ANO7: variants seen among roughly 807,000 people sequenced by gnomAD.
ANO7 encodes anoctamin 7, also known as anoctamin-7.
ANO7 carries 114 observed loss-of-function variants against 115.8 expected under a neutral mutation model. The observed-to-expected ratio is 0.98, with a 90% CI of 0.85 to 1.15. The LOEUF (loss-of-function observed/expected upper bound fraction) is 1.15, where lower values mean the gene tolerates loss of function less well. Ranked by LOEUF, ANO7 falls within the 50% of genes most tolerant of loss-of-function variation. The pLI is 0.00. For synonymous variants in ANO7, 550 were observed against 498.2 expected, an observed-to-expected ratio of 1.10 and a Z score of -1.38; for missense variants, 1,302 against 1,201.2, an observed-to-expected ratio of 1.08 and a Z score of -1.24.
At chr2:241,200,641 G>A (rs2068449775) in intron 6 of ANO7, among the ~76,000 whole-genome samples, 1 of 152,242 alleles carries the variant, frequency 6.6e-6, no homozygotes, top group Non-Finnish European at 1.5e-5. Context: ...AACGACACGT[G>A]TGTCGTCCAC....
In ANO7 at chr2:241,214,996, G is replaced by T. The variant is rs2068793597; in HGVS notation, c.1826+94G>T. The T allele has an allele frequency of 6.0e-6, 7 of 1,174,810 alleles. No individual in the cohort carries two copies. The South Asian group carries it at 8.7e-5, about 15-fold the overall frequency. 72.8% of individuals were successfully genotyped at this position (1,174,810 alleles called of 1,614,324 possible). ...GCCTCCAGCCCGGCCCTAGCTGGGAGAAGAGGTGAAGGGAAGGCACCTTGC... is the reference window on the plus strand; with the variant it reads ...GCCTCCAGCCCGGCCCTAGCTGGGATAAGAGGTGAAGGGAAGGCACCTTGC... On this transcript the variant is annotated intron_variant, in intron 18 of 24. Transcript: ENST00000674324.
At chr2:241,200,046 C>T in intron 5 of ANO7, 43 bp from the exon 6 acceptor site, 1 of 1,600,980 alleles carries the variant, frequency 6.2e-7, no homozygotes, top group Non-Finnish European at 8.5e-7. Context: ...GGGCATTTGC[C>T]CTCCTCCCGG....
chr2:241,202,892 C>G (rs148179946), intron 8 of ANO7, among the ~76,000 whole-genome samples: 2 of 152,210 alleles, frequency 1.3e-5, no homozygotes, highest in African/African-American at 4.8e-5. Context: ...CCTGCCCCAA[C>G]GCCGTCATGA....
Position 241,212,604 on chromosome 2 carries a change from T to C in ANO7, c.1706T>C (p.Leu569Ser). ...GGATACCCAGGCAACTACCACACCT[T>C]GTTTGGAGTCCGCAATGAGGAGGTG... ...FVGYPGNYHTLFGVRNEECAA... is the reference protein window; with the variant it reads ...FVGYPGNYHTSFGVRNEECAA... Residue 569 changes from leucine to serine, a missense_variant, in exon 17 of 25, where the codon TTG (leucine) becomes TCG (serine). Transcript: ENST00000674324. The C allele has an allele frequency of 6.2e-7, 1 of 1,613,394 alleles. No homozygotes were observed. The highest frequency in any genetic ancestry group is 2.2e-5 in the East Asian group (1 of 44,886).
Position 241,203,415 on chromosome 2 carries a change from G to A in ANO7, c.806G>A (p.Trp269Ter), listed in dbSNP as rs2068516399. Residue 269 changes from tryptophan to a stop codon, truncating the protein, a stop_gained, in exon 9 of 25, where the codon TGG becomes TAG. Transcript: ENST00000674324. LOFTEE classifies it high-confidence loss of function. The surrounding 1 kb of genome is among the most constrained non-coding windows in gnomAD (Gnocchi z 4.8). ...RQVLFQHWAR[W>*]GKWNKYQPLD... ...GTCCTTTTCCAGCACTGGGCGCGCT[G>A]GGGCAAGTGGAACAAGTACCAGCCC... is the stretch of plus-strand genomic sequence containing the variant. 4 of 1,596,348 alleles carry A rather than the reference G, an allele frequency of 2.5e-6. No individual in the cohort carries two copies. The highest frequency in any genetic ancestry group is 3.4e-6 in the Non-Finnish European group (4 of 1,172,470).
chr2:241,222,017 A>G lies in ANO7; in HGVS notation c.2322-1169A>G, dbSNP rs141668540. ...TGGGAGGCCGAGGCCGGTGGATCAC[A>G]AAGTCAGAAGATTGAGACCATCCTG... On this transcript the variant is annotated intron_variant, in intron 21 of 24. Coordinates refer to ENST00000674324, the MANE Select transcript of ANO7 (RefSeq NM_001370694.2). Among the ~76,000 whole-genome samples the G allele has an allele frequency of 8.3e-4, 126 of 152,134 alleles. 2 individuals are homozygous for G. The East Asian group carries it at 0.021, about 25-fold the overall frequency.
chr2:241,190,285 C>T lies in ANO7; in HGVS notation c.108+114C>T, dbSNP rs569629834. On this transcript the variant is annotated intron_variant, in intron 2 of 24. Coordinates refer to ENST00000674324, the MANE Select transcript of ANO7 (RefSeq NM_001370694.2). The stretch of plus-strand genomic sequence containing the variant: ...GGTGGATGGGCATCACCGTGTTTCT[C>T]CTGCATCCCCCGGCAACCCCCAAGC... 5 of 883,750 alleles carry T rather than the reference C, an allele frequency of 5.7e-6. No individual in the cohort carries two copies. In the South Asian group the frequency reaches 8.7e-5, roughly 15 times the overall value. 54.7% of individuals were successfully genotyped at this position (883,750 alleles called of 1,614,324 possible). A position where few individuals can be genotyped will look rare whatever the true frequency, so the allele number is the denominator to read the frequency against.
intron 6 of ANO7, among the ~76,000 whole-genome samples, chr2:241,200,972 C>T (rs980301646): frequency 2.6e-5 from 4 of 152,254 alleles, no homozygotes; most frequent in East Asian, 1.9e-4. Flanking sequence ...GCCCTCTCTA[C>T]ACCGCCCTGC....
At chr2:241,190,779 C>T (rs189622414) in intron 2 of ANO7, among the ~76,000 whole-genome samples, 4 of 152,348 alleles carry the variant, frequency 2.6e-5, no homozygotes, top group Admixed American at 6.5e-5. Flanking sequence ...CACTCTCGGT[C>T]GCCATGGCCA....
At chr2:241,235,055 A>G in the ANO7 span, 1 of 1,579,032 alleles carries the variant, frequency 6.3e-7, no homozygotes, top group African/African-American at 1.3e-5. Flanking sequence ...ACTTCCCTAG[A>G]TTCTGACATG....
intron 17 of ANO7, among the ~76,000 whole-genome samples, chr2:241,213,396 C>T (rs2068759169): frequency 6.6e-6 from 1 of 152,252 alleles, no homozygotes; most frequent in Non-Finnish European, 1.5e-5. Flanking sequence ...CTCTGAGAGC[C>T]AGGCGTGAAC....
At chr2:241,202,116 A>G in intron 7 of ANO7, 78 bp from the exon 8 acceptor site, 1 of 1,280,272 alleles carries the variant, frequency 7.8e-7, no homozygotes, top group Non-Finnish European at 1.1e-6. Context: ...GCCTTGGCCT[A>G]AAGACAGGCT....
the ANO7 span, chr2:241,234,993 G>A: frequency 1.8e-6 from 2 of 1,121,972 alleles, no homozygotes; most frequent in Non-Finnish European, 2.5e-6. Context: ...TCCTGGCACT[G>A]CCTGCATCTC....
chr2:241,209,125 G>C (rs2068659353), intron 11 of ANO7, among the ~76,000 whole-genome samples, 160 bp from the exon 12 acceptor site: 1 of 152,182 alleles, frequency 6.6e-6, no homozygotes, highest in Non-Finnish European at 1.5e-5. Context: ...CTCCAGCCTG[G>C]GTGACAGAGC....
chr2:241,222,233 C>CATAA (rs59653174), intron 21 of ANO7, among the ~76,000 whole-genome samples: 28,883 of 143,092 alleles, frequency 0.2, 3,285 homozygotes, highest in East Asian at 0.37. Context: ...GACTCTGTCT[C>CATAA]ATAAATAAAT....
intron 9 of ANO7, among the ~76,000 whole-genome samples, chr2:241,204,297 G>C (rs2068539573): frequency 1.3e-5 from 2 of 152,204 alleles, no homozygotes. Context: ...GGCCAGCAGA[G>C]AGTCAGGCAG....
chr2:241,218,273 C>T lies in ANO7; in HGVS notation c.2213C>T (p.Pro738Leu), dbSNP rs779619224. Reference sequence around the variant, plus strand: ...CTGGCCTTCTCGTCCGACTTCCTGCCGCGCGCCTACTACCGGTGGACCCGC... The same window carrying T: ...CTGGCCTTCTCGTCCGACTTCCTGCTGCGCGCCTACTACCGGTGGACCCGC... ...FLLAFSSDFL[P>L]RAYYRWTRAH... The change falls in exon 21 of 25, where the codon CCG becomes CTG. Residue 738 changes from proline (P) to leucine (L), a missense_variant. Physicochemically the swap from Pro to Leu is moderately conservative, Grantham distance 98 (BLOSUM62 -3). Transcript: ENST00000674324. The T allele has an allele frequency of 1.3e-6, 2 of 1,533,742 alleles. No individual in the cohort carries two copies. Among genetic ancestry groups the T allele is most frequent in the South Asian group, 1.2e-5 (1 of 85,082 alleles).
chr2:241,239,559 C>T, the ANO7 span: 4 of 1,521,730 alleles, frequency 2.6e-6, no homozygotes, highest in Non-Finnish European at 3.6e-6. The surrounding 1 kb of genome is among the most constrained non-coding windows in gnomAD (Gnocchi z 4.6). Flanking sequence ...GGTGAGTGGC[C>T]ACTGGGGGGT....
intron 7 of ANO7, 89 bp downstream of exon 7, chr2:241,201,444 C>A: frequency 2.1e-6 from 3 of 1,438,756 alleles, no homozygotes; most frequent in Non-Finnish European, 2.9e-6. Flanking sequence ...TGCAGAAAGG[C>A]CTGCTTGAGA....
Sources: allele counts gnomAD v4.1 joint callset (sites outside exome capture counted in the v4.1 genomes callset), GRCh38; gene constraint gnomAD v4.1.1; non-coding constraint Gnocchi (gnomAD v3.1); transcripts MANE v1.5; gene names NCBI Gene and HGNC (gene_info 2026-07-23, HGNC 2026-07-21).